Variants in DICER1 observed in about 807,000 individuals in gnomAD.
DICER1 encodes dicer 1, ribonuclease III.
In DICER1, 43 loss-of-function variants were observed where a neutral mutation model predicts 194.1. The ratio of observed to expected loss-of-function variants is 0.22; its 90% CI spans 0.17 to 0.29. DICER1 has a LOEUF of 0.29. DICER1 is among the 10% of genes least tolerant of loss of function. The pLI is 1.00. For missense variants in DICER1, 1,608 were observed against 2,317.0 expected (o/e 0.69, Z 6.28); for synonymous variants, 832 against 820.5 (o/e 1.01, Z -0.24).
chr14:95,100,062 T>C, intron 21 of DICER1, 127 bp from the exon 22 acceptor site: 1 of 1,005,242 alleles, frequency 9.9e-7, no homozygotes, highest in Non-Finnish European at 1.5e-6. Context: ...CATCAATTAA[T>C]TATAAGGGCT....
In DICER1 at chr14:95,087,913, C is replaced by A. The variant is rs577139593; in HGVS notation, c.*2585G>T. On this transcript the variant is annotated 3_prime_UTR_variant, in exon 27 of 27. Coordinates refer to ENST00000343455, the MANE Select transcript of DICER1 (RefSeq NM_177438.3). ...CACACAGGGCTCTAAAGTGGGGCAA[C>A]ATAGAGTGATTTTTTTTTTCCTTAA... 11 of 232,880 alleles carry A rather than the reference C, an allele frequency of 4.7e-5. No homozygotes were observed. The highest frequency in any genetic ancestry group is 2.4e-4 in the African/African-American group (11 of 45,386). The allele number at this position is 232,880 out of a possible 1,614,324, so 14.4% of individuals were successfully genotyped here. A position where few individuals can be genotyped will look rare whatever the true frequency, so the allele number is the denominator to read the frequency against.
At chr14:95,129,962 G>A in intron 5 of DICER1, 96 bp downstream of exon 5, 1 of 1,147,038 alleles carries the variant, frequency 8.7e-7, no homozygotes, top group Non-Finnish European at 1.3e-6. Context: ...TCCCAATATT[G>A]ATAACTAATA....
intron 17 of DICER1, 158 bp from the exon 18 acceptor site, chr14:95,106,381 G>A (rs1304455431): frequency 1.5e-6 from 1 of 646,100 alleles, no homozygotes; most frequent in South Asian, 1.9e-5. Flanking sequence ...TTTCAAGTAT[G>A]TAAGAACTGT....
chr14:95,125,256 G>T (rs1893306307), intron 7 of DICER1, among the ~76,000 whole-genome samples: 1 of 151,732 alleles, frequency 6.6e-6, no homozygotes. Flanking sequence ...TTTATTGGTT[G>T]GAAGTGGAAA....
At chr14:95,108,134 G>C (rs1210661880) in intron 15 of DICER1, 41 bp from the exon 16 acceptor site, 1 of 1,485,294 alleles carries the variant, frequency 6.7e-7, no homozygotes, top group Non-Finnish European at 9.4e-7. Flanking sequence ...AAAATTAACA[G>C]GTATTTTATT....
At chr14:95,143,513 C>G (rs1416518995) in intron 1 of DICER1, among the ~76,000 whole-genome samples, 1 of 152,018 alleles carries the variant, frequency 6.6e-6, no homozygotes, top group Non-Finnish European at 1.5e-5. Context: ...GCCTGGTTTC[C>G]TAGGAGGAGA....
chr14:95,090,695 GT>G, intron 26 of DICER1, 32 bp from the exon 27 acceptor site: 2 of 1,612,358 alleles, frequency 1.2e-6, no homozygotes, highest in Non-Finnish European at 1.7e-6. Flanking sequence ...TGAATTAGAA[GT>G]CAGAAGTATT....
intron 1 of DICER1, among the ~76,000 whole-genome samples, chr14:95,150,259 G>C (rs1035848528): frequency 2.0e-5 from 3 of 152,172 alleles, no homozygotes; most frequent in Admixed American, 1.3e-4. Flanking sequence ...AGAGACAGGT[G>C]AATCACTTGA....
At position 95,088,738 on chromosome 14, in the gene DICER1, C is replaced by T. The variant is rs923785816; in HGVS notation, c.*1760G>A. 4 of 232,926 alleles carry T rather than the reference C, an allele frequency of 1.7e-5. No individual in the cohort carries two copies. The Admixed American group carries it at 2.3e-4, about 13-fold the overall frequency. The allele number at this position is 232,926 out of a possible 1,614,324, so 14.4% of individuals were successfully genotyped here. A position where few individuals can be genotyped will look rare whatever the true frequency, so the allele number is the denominator to read the frequency against. ...CTTAATACCCCCCTCACTCAGGGTT[C>T]CTTAGAAAGCAGAGCTGACAGTTTT... On this transcript the variant is annotated 3_prime_UTR_variant, in exon 27 of 27. Coordinates refer to ENST00000343455, the MANE Select transcript of DICER1 (RefSeq NM_177438.3).
chr14:95,147,249 G>A (rs1895196799), intron 1 of DICER1, among the ~76,000 whole-genome samples: 1 of 152,128 alleles, frequency 6.6e-6, no homozygotes, highest in African/African-American at 2.4e-5. Context: ...CAGATCACGT[G>A]AGCCCAGGAA....
At chr14:95,145,675 GA>G (rs899490079) in intron 1 of DICER1, among the ~76,000 whole-genome samples, 59 of 142,216 alleles carry the variant, frequency 4.1e-4, no homozygotes, top group Middle Eastern at 3.6e-3. Context: ...AGACTAAAGA[GA>G]AAAAAAAAAC....
chr14:95,130,787 T>A (rs929458567), intron 4 of DICER1, among the ~76,000 whole-genome samples: 1 of 152,132 alleles, frequency 6.6e-6, no homozygotes, highest in Non-Finnish European at 1.5e-5. Context: ...TAGAGGAGCC[T>A]CCAGCACATG....
chr14:95,106,237 AC>A lies in DICER1; in HGVS notation c.2805-15del. On this transcript the variant is annotated splice_polypyrimidine_tract_variant and intron_variant, in intron 17 of 26. Coordinates refer to ENST00000343455, the MANE Select transcript of DICER1 (RefSeq NM_177438.3). ...AAATTGCGATATCTAAAAAAGAAAA[AC>A]AAAAAAACAATCAGTTGCTTTTTGA... is the stretch of plus-strand genomic sequence containing the variant. The A allele has an allele frequency of 6.2e-7, 1 of 1,600,404 alleles. No individual in the cohort carries two copies. The highest frequency in any genetic ancestry group is 1.1e-5 in the South Asian group (1 of 90,774).
At chr14:95,099,610 GTAAT>G (rs1890673852) in intron 22 of DICER1, among the ~76,000 whole-genome samples, 166 bp downstream of exon 22, 1 of 152,050 alleles carries the variant, frequency 6.6e-6, no homozygotes, top group Non-Finnish European at 1.5e-5. Flanking sequence ...AAAAGACAGT[GTAAT>G]TAAAGGAATT....
chr14:95,103,336 C>A lies in DICER1; in HGVS notation c.4050+10G>T. On this transcript the variant is annotated intron_variant, in intron 21 of 26. Coordinates refer to ENST00000343455, the MANE Select transcript of DICER1 (RefSeq NM_177438.3). ...AATTAACTGCTCAAAATAAAAAAATCATCTCTTACCTTTTTGCTTCTCATA... is the reference window on the plus strand; with the variant it reads ...AATTAACTGCTCAAAATAAAAAAATAATCTCTTACCTTTTTGCTTCTCATA... 1 of 1,613,630 alleles carries A rather than the reference C, an allele frequency of 6.2e-7. No homozygotes were observed. Among genetic ancestry groups the A allele is most frequent in the Non-Finnish European group, 8.5e-7 (1 of 1,179,572 alleles).
chr14:95,155,872 TTGTG>T (rs1256078030), intron 1 of DICER1, among the ~76,000 whole-genome samples: 3 of 152,232 alleles, frequency 2.0e-5, no homozygotes, highest in Non-Finnish European at 2.9e-5. Flanking sequence ...TTTGAAATAA[TTGTG>T]TATGTATGTG....
intron 20 of DICER1, among the ~76,000 whole-genome samples, chr14:95,104,519 A>G (rs1195889053): frequency 6.6e-6 from 1 of 152,208 alleles, no homozygotes; most frequent in Non-Finnish European, 1.5e-5. Context: ...TTCCTATCTC[A>G]TAGCACTGTC....
rs1162588716 is a variant in DICER1 at position 95,090,136 on chromosome 14, T to C, written c.*362A>G. On this transcript the variant is annotated 3_prime_UTR_variant, in exon 27 of 27. Transcript: ENST00000343455. ...GGGACTGCTGGAGGTTTAAGCTCCA[T>C]GGCCTTCTAACACTAAGCAAAGCTG... is the stretch of plus-strand genomic sequence containing the variant. The C allele has an allele frequency of 5.0e-6, 2 of 399,832 alleles. No individual in the cohort carries two copies. The highest frequency in any genetic ancestry group is 4.1e-5 in the African/African-American group (2 of 48,420). 24.8% of individuals were successfully genotyped at this position (399,832 alleles called of 1,614,324 possible).
rs998075873 is a variant in DICER1 at position 95,088,361 on chromosome 14, C to T, written c.*2137G>A. The T allele has an allele frequency of 2.6e-5, 6 of 232,380 alleles. No homozygotes were observed. Among genetic ancestry groups the T allele is most frequent in the Non-Finnish European group, 3.4e-5 (4 of 117,352 alleles). 14.4% of individuals were successfully genotyped at this position (232,380 alleles called of 1,614,324 possible). The stretch of plus-strand genomic sequence containing the variant: ...GCCAGGAATCAAGAGAATCCCGTAA[C>T]ACTGGGATCAATGTATTAGACACAA... On this transcript the variant is annotated 3_prime_UTR_variant, in exon 27 of 27. Coordinates refer to ENST00000343455, the MANE Select transcript of DICER1 (RefSeq NM_177438.3).
Sources: allele counts gnomAD v4.1 joint callset (sites outside exome capture counted in the v4.1 genomes callset), GRCh38; gene constraint gnomAD v4.1.1; transcripts MANE v1.5; gene names NCBI Gene and HGNC (gene_info 2026-07-23, HGNC 2026-07-21).